Variants in LRRC49 observed in about 807,000 individuals in gnomAD.
The protein encoded by LRRC49 is leucine-rich repeat-containing protein 49.
LRRC49 carries 50 observed loss-of-function variants against 83.3 expected under a neutral mutation model. The observed-to-expected ratio is 0.60, with a 90% CI of 0.48 to 0.76. The LOEUF (loss-of-function observed/expected upper bound fraction) is 0.76, where lower values mean the gene tolerates loss of function less well. LRRC49 is among the 30% of genes least tolerant of loss of function. The pLI is 0.00. For missense variants in LRRC49, 704 were observed against 809.1 expected (o/e 0.87, Z 1.58); for synonymous variants, 286 against 283.3 (o/e 1.01, Z -0.10).
intron 7 of LRRC49, among the ~76,000 whole-genome samples, chr15:70,934,633 A>G (rs561722836): frequency 1.5e-4 from 23 of 152,340 alleles, no homozygotes; most frequent in African/African-American, 5.3e-4. Flanking sequence ...CACAAATTAT[A>G]TCCTGATGGA....
At chr15:70,933,427 C>T (rs562881321) in intron 7 of LRRC49, among the ~76,000 whole-genome samples, 1 of 152,070 alleles carries the variant, frequency 6.6e-6, no homozygotes, top group Non-Finnish European at 1.5e-5. Flanking sequence ...GAAATAGTTA[C>T]CTCCAGAAAG....
At chr15:70,972,906 T>G (rs2037063279) in intron 9 of LRRC49, among the ~76,000 whole-genome samples, 1 of 152,164 alleles carries the variant, frequency 6.6e-6, no homozygotes, top group Admixed American at 6.5e-5. Flanking sequence ...TCAGGGTTCT[T>G]AGCTTCATTC....
chr15:71,020,972 T>C (rs758147109), intron 14 of LRRC49, among the ~76,000 whole-genome samples: 26 of 152,178 alleles, frequency 1.7e-4, no homozygotes, highest in Admixed American at 3.9e-4. Flanking sequence ...TTGGTTTCCT[T>C]GGGCCACATT....
At chr15:71,031,597 T>A (rs2039354050) in intron 14 of LRRC49, among the ~76,000 whole-genome samples, 1 of 152,166 alleles carries the variant, frequency 6.6e-6, no homozygotes, top group South Asian at 2.1e-4. Flanking sequence ...TTAAATCCAC[T>A]GAAGCTGTGC....
At chr15:70,965,093 T>C (rs2036748972) in intron 9 of LRRC49, among the ~76,000 whole-genome samples, 1 of 152,172 alleles carries the variant, frequency 6.6e-6, no homozygotes, top group Non-Finnish European at 1.5e-5. Context: ...GTTTCATATT[T>C]TTGTGGTGAC....
intron 2 of LRRC49, among the ~76,000 whole-genome samples, chr15:70,894,414 C>A (rs549040854): frequency 6.6e-6 from 1 of 152,296 alleles, no homozygotes; most frequent in South Asian, 2.1e-4. Flanking sequence ...ACATGTTAGA[C>A]TTAACGTTAT....
rs935879815 is a variant in LRRC49 at position 70,864,071 on chromosome 15, A to G, written c.-298-8837A>G. Among the ~76,000 whole-genome samples the G allele has an allele frequency of 8.5e-5, 13 of 152,210 alleles. 1 individual carries two copies. The South Asian group carries it at 2.7e-3, about 32-fold the overall frequency. On this transcript the variant is annotated intron_variant, in intron 1 of 16. Transcript: ENST00000544974. ...GCAGAGGAGGCTGGGGCAGTAAAGG[A>G]GGGACAACATGCAGACACCAGGTGG...
At chr15:70,963,955 C>T in intron 9 of LRRC49, 23 bp downstream of exon 9, 1 of 1,606,440 alleles carries the variant, frequency 6.2e-7, no homozygotes, top group Non-Finnish European at 8.5e-7. Context: ...CCAAAGTGTT[C>T]ACCATGTTGT....
chr15:70,966,951 T>C (rs906023439), intron 9 of LRRC49, among the ~76,000 whole-genome samples: 4 of 152,104 alleles, frequency 2.6e-5, no homozygotes, highest in Non-Finnish European at 4.4e-5. Context: ...AATAGAGATA[T>C]ATGTTTGTGT....
At chr15:70,869,850 T>C (rs2032990939) in intron 1 of LRRC49, among the ~76,000 whole-genome samples, 1 of 152,222 alleles carries the variant, frequency 6.6e-6, no homozygotes, top group African/African-American at 2.4e-5. Flanking sequence ...GTGATTTTTA[T>C]TTGCTTATTT....
At chr15:70,918,174 T>A (rs1292591708) in intron 6 of LRRC49, 1 of 152,462 alleles carries the variant, frequency 6.6e-6, no homozygotes, top group African/African-American at 2.4e-5. Context: ...CATGTCTGAC[T>A]GTGCACAGTG....
intron 11 of LRRC49, among the ~76,000 whole-genome samples, chr15:70,993,647 G>T (rs1416792073): frequency 6.6e-6 from 1 of 152,026 alleles, no homozygotes; most frequent in Non-Finnish European, 1.5e-5. Flanking sequence ...ATTTTACTTG[G>T]TTAGAACTAT....
chr15:71,040,034 A>G (rs1177511023), intron 15 of LRRC49, among the ~76,000 whole-genome samples: 1 of 152,248 alleles, frequency 6.6e-6, no homozygotes, highest in Non-Finnish European at 1.5e-5. Context: ...ATTGTCAGCC[A>G]GAATACAGCA....
chr15:71,008,531 T>C lies in LRRC49; in HGVS notation c.1322T>C (p.Ile441Thr). 6.2e-7 allele frequency: 1 copy of C among 1,612,704 alleles called. No individual in the cohort carries two copies. The change falls in exon 12 of 16, where the codon ATC (isoleucine) becomes ACC (threonine). Residue 441 changes from isoleucine to threonine, a missense_variant. Physicochemically the swap from Ile to Thr is moderately conservative, Grantham distance 89. Around this residue, in one of 3 missense-constraint regions of LRRC49, gnomAD observed 275 missense variants for 338.0 expected, o/e 0.81. Transcript: ENST00000260382. ...TGGAGTGTTCAAACAGCAGGAATGA[T>C]CACAACAGTCTCCTTCACTTTCATA... Reference protein sequence around the residue: ...RNWSVQTAGMITTVSFTFIEF... With the variant: ...RNWSVQTAGMTTTVSFTFIEF...
chr15:71,003,731 A>G (rs1389137012), intron 11 of LRRC49, among the ~76,000 whole-genome samples: 2 of 152,246 alleles, frequency 1.3e-5, no homozygotes, highest in South Asian at 2.1e-4. Flanking sequence ...AATCATTTAC[A>G]TACAAGCAAA....
At chr15:70,875,875 C>T (rs1206608430) in intron 2 of LRRC49, among the ~76,000 whole-genome samples, 1 of 152,208 alleles carries the variant, frequency 6.6e-6, no homozygotes. Context: ...TCCCACTTTC[C>T]TAAATGTCAC....
chr15:70,879,556 G>GCAAC (rs2033219755), intron 2 of LRRC49, among the ~76,000 whole-genome samples: 1 of 152,190 alleles, frequency 6.6e-6, no homozygotes, highest in African/African-American at 2.4e-5. Flanking sequence ...GCTAAGGCTT[G>GCAAC]CAACCGTTGT....
At chr15:70,986,645 G>T (rs1043443441) in intron 11 of LRRC49, among the ~76,000 whole-genome samples, 2 of 150,832 alleles carry the variant, frequency 1.3e-5, no homozygotes, top group African/African-American at 4.9e-5. Context: ...CTGCCTAATT[G>T]CCCTGGCCAG....
At chr15:70,957,966 C>T (rs2036461809) in intron 8 of LRRC49, among the ~76,000 whole-genome samples, 2 of 152,140 alleles carry the variant, frequency 1.3e-5, no homozygotes, top group Admixed American at 1.3e-4. Context: ...AAAATGCACA[C>T]ATTTTAAGTG....
Sources: allele counts gnomAD v4.1 joint callset (sites outside exome capture counted in the v4.1 genomes callset), GRCh38; gene constraint gnomAD v4.1.1; regional missense constraint gnomAD v4.1.1; transcripts MANE v1.5; gene names NCBI Gene and HGNC (gene_info 2026-07-23, HGNC 2026-07-21).